Variants in HERC5 observed in about 807,000 individuals in gnomAD.
The protein encoded by HERC5 is HECT and RLD domain containing E3 ubiquitin protein ligase 5.
In HERC5, 99 loss-of-function variants were observed where a neutral mutation model predicts 119.6. That is an observed-to-expected ratio of 0.83 (90% CI 0.70 to 0.98). The LOEUF is 0.98. Ranked by LOEUF, HERC5 falls within the 50% of genes least tolerant of loss-of-function variation. The probability of loss-of-function intolerance (pLI) is 0.00; values close to 1 mark genes in which losing one functional copy is unlikely to be tolerated. For synonymous variants in HERC5, 478 were observed against 445.9 expected, an observed-to-expected ratio of 1.07 and a Z score of -0.91; for missense variants, 1,267 against 1,241.3, an observed-to-expected ratio of 1.02 and a Z score of -0.31.
chr4:88,492,032 C>G (rs1741654833), intron 16 of HERC5, among the ~76,000 whole-genome samples: 1 of 152,034 alleles, frequency 6.6e-6, no homozygotes, highest in African/African-American at 2.4e-5. Context: ...GAGACAGAGT[C>G]TCACTCTGTT....
chr4:88,462,165 T>C lies in HERC5; in HGVS notation c.497T>C (p.Leu166Pro). ...GAGCTTTTTGCCTGGGGACAGAACC[T>C]GCATGGGCAGCTTGGAGTTGGAAGG... The part of the protein sequence containing the change: ...GGELFAWGQN[L>P]HGQLGVGRKF... Residue 166 changes from leucine to proline, a missense_variant, in exon 4 of 23, where the codon CTG becomes CCG. Around this residue, in one of 3 missense-constraint regions of HERC5, gnomAD observed 777 missense variants for 758.0 expected, o/e 1.03. Coordinates refer to ENST00000264350, the MANE Select transcript of HERC5 (RefSeq NM_016323.4). 15 of 1,614,124 alleles carry C rather than the reference T, an allele frequency of 9.3e-6. No homozygotes were observed. Among genetic ancestry groups the C allele is most frequent in the Non-Finnish European group, 1.3e-5 (15 of 1,179,998 alleles).
At chr4:88,497,469 A>G (rs918798412) in intron 18 of HERC5, among the ~76,000 whole-genome samples, 5 of 152,224 alleles carry the variant, frequency 3.3e-5, no homozygotes, top group African/African-American at 1.2e-4. Flanking sequence ...ATAAAGTGGC[A>G]GAGAATGTGG....
At chr4:88,466,464 C>A in intron 6 of HERC5, among the ~76,000 whole-genome samples, 1 of 152,168 alleles carries the variant, frequency 6.6e-6, no homozygotes, top group Non-Finnish European at 1.5e-5. Flanking sequence ...CACTGCCCTC[C>A]TGTAGGTCTG....
chr4:88,463,716 C>T (rs1055700066), intron 5 of HERC5, 93 bp downstream of exon 5: 1 of 1,377,662 alleles, frequency 7.3e-7, no homozygotes, highest in African/African-American at 1.4e-5. Flanking sequence ...GTCATCACTT[C>T]CTGTATGTAG....
At chr4:88,467,629 A>C (rs1398852211) in intron 7 of HERC5, among the ~76,000 whole-genome samples, 1 of 152,220 alleles carries the variant, frequency 6.6e-6, no homozygotes, top group Non-Finnish European at 1.5e-5. Flanking sequence ...CTCAGCACTT[A>C]CTTGTGTTAT....
At chr4:88,457,564 A>G in intron 1 of HERC5, 30 bp downstream of exon 1, 1 of 1,244,452 alleles carries the variant, frequency 8.0e-7, no homozygotes, top group Non-Finnish European at 1.0e-6. Context: ...GAGGGCTGTG[A>G]GGGCTGTGAG....
At position 88,487,136 on chromosome 4, in the gene HERC5, C is replaced by T. The variant is rs772009697; in HGVS notation, c.1919C>T (p.Ser640Leu). The T allele has an allele frequency of 1.1e-5, 17 of 1,608,338 alleles. No homozygotes were observed. The highest frequency in any genetic ancestry group is 2.2e-5 in the East Asian group (1 of 44,826). The change falls in exon 15 of 23, where the codon TCG becomes TTG. Residue 640 changes from serine (S) to leucine (L), a missense_variant. By Grantham distance (145) the Ser-to-Leu change is moderately radical. Around this residue, in one of 3 missense-constraint regions of HERC5, gnomAD observed 17 missense variants for 37.7 expected, o/e 0.45. Coordinates refer to ENST00000264350, the MANE Select transcript of HERC5 (RefSeq NM_016323.4). ...TTTCCATTTATCTTTAATAATCTGT[C>T]GAAAATTAAACTACTACATACAGAC... ...SHFPFIFNNL[S>L]KIKLLHTDTL...
rs1412196075 is a variant in HERC5 at position 88,457,417 on chromosome 4, G to T, written c.148G>T (p.Val50Leu). The T allele has an allele frequency of 2.2e-6, 3 of 1,377,678 alleles. No homozygotes were observed. Among genetic ancestry groups the T allele is most frequent in the Non-Finnish European group, 2.8e-6 (3 of 1,068,986 alleles). The allele number at this position is 1,377,678 out of a possible 1,614,324, so 85.3% of individuals were successfully genotyped here. A position where few individuals can be genotyped will look rare whatever the true frequency, so the allele number is the denominator to read the frequency against. ...CCTCCACCGCGCGCTGCTCCGGAGG[G>T]TGGAGGTGACGCGCCAACTCTGCTG... ...AGLHRALLRR[V>L]EVTRQLCCSP... is the part of the protein sequence containing the mutation. The change falls in exon 1 of 23, where the codon GTG (valine) becomes TTG (leucine). Residue 50 changes from valine to leucine, a missense_variant. Physicochemically the swap from Val to Leu is conservative, Grantham distance 32. Transcript: ENST00000264350.
At chr4:88,475,184 GA>G (rs1741015598) in intron 11 of HERC5, among the ~76,000 whole-genome samples, 1 of 112,178 alleles carries the variant, frequency 8.9e-6, no homozygotes, top group Non-Finnish European at 1.8e-5. Flanking sequence ...TTTTACTCTT[GA>G]AAAAAGAAAC....
intron 3 of HERC5, among the ~76,000 whole-genome samples, chr4:88,461,722 C>G (rs1740450209): frequency 6.6e-6 from 1 of 152,092 alleles, no homozygotes; most frequent in Admixed American, 6.5e-5. Flanking sequence ...CTTGTAATTT[C>G]AAATGAATTT....
intron 16 of HERC5, 25 bp downstream of exon 16, chr4:88,489,361 T>A: frequency 6.4e-7 from 1 of 1,561,208 alleles, no homozygotes; most frequent in Non-Finnish European, 8.7e-7. Flanking sequence ...TCACTTAATG[T>A]TTTTGCTGCT....
chr4:88,460,080 AT>A lies in HERC5; in HGVS notation c.390-11del. The A allele has an allele frequency of 7.3e-7, 1 of 1,378,808 alleles. No homozygotes were observed. Among genetic ancestry groups the A allele is most frequent in the Non-Finnish European group, 1.0e-6 (1 of 969,638 alleles). The allele number at this position is 1,378,808 out of a possible 1,614,324, so 85.4% of individuals were successfully genotyped here. On this transcript the variant is annotated splice_polypyrimidine_tract_variant and intron_variant, in intron 2 of 22. Coordinates refer to ENST00000264350, the MANE Select transcript of HERC5 (RefSeq NM_016323.4). The stretch of plus-strand genomic sequence containing the variant: ...CATTATGGTGATTAACACAAAGTGT[AT>A]TTTCCTTCATCAGGTTTGAAAGCAT...
intron 12 of HERC5, among the ~76,000 whole-genome samples, chr4:88,478,300 T>C (rs539572437): frequency 6.6e-6 from 1 of 152,318 alleles, no homozygotes; most frequent in African/African-American, 2.4e-5. Flanking sequence ...TAAAATATTT[T>C]GTTATGTGTA....
At chr4:88,471,731 A>T (rs751510218) in intron 10 of HERC5, among the ~76,000 whole-genome samples, 5 of 152,218 alleles carry the variant, frequency 3.3e-5, no homozygotes, top group Non-Finnish European at 7.3e-5. Context: ...ATATTGAAGT[A>T]CTAAGAAATT....
At position 88,506,037 on chromosome 4, in the gene HERC5, G is replaced by T; in HGVS notation, c.*159G>T. On this transcript the variant is annotated 3_prime_UTR_variant, in exon 23 of 23. Coordinates refer to ENST00000264350, the MANE Select transcript of HERC5 (RefSeq NM_016323.4). ...GTGATAAGCAGGAAAGAGGGATGAA[G>T]AAGAGGGTTTACTGGCCGGTTAGAA... The T allele has an allele frequency of 1.6e-6, 1 of 634,794 alleles. No homozygotes were observed. Among genetic ancestry groups the T allele is most frequent in the South Asian group, 2.1e-5 (1 of 47,998 alleles). The allele number at this position is 634,794 out of a possible 1,614,324, so 39.3% of individuals were successfully genotyped here.
intron 16 of HERC5, among the ~76,000 whole-genome samples, chr4:88,489,985 G>A (rs556844703): frequency 6.6e-6 from 1 of 152,114 alleles, no homozygotes; most frequent in East Asian, 1.9e-4. Flanking sequence ...TTCCGGCCTG[G>A]GTGACGGAGC....
In HERC5 at chr4:88,494,133, T is replaced by C. The variant is rs769095920; in HGVS notation, c.2278-32T>C. The C allele has an allele frequency of 5.5e-6, 8 of 1,458,246 alleles. No homozygotes were observed. The African/African-American group carries it at 1.1e-4, about 21-fold the overall frequency. 90.3% of individuals were successfully genotyped at this position (1,458,246 alleles called of 1,614,324 possible). On this transcript the variant is annotated intron_variant, in intron 17 of 22. Coordinates refer to ENST00000264350, the MANE Select transcript of HERC5 (RefSeq NM_016323.4). ...ATTTCATTGTACTGGTAAAAACTCA[T>C]AATACTTTAAGATTTTTTTTTCGCT... is the stretch of plus-strand genomic sequence containing the variant.
chr4:88,489,175 C>T lies in HERC5; in HGVS notation c.1972C>T (p.His658Tyr), dbSNP rs781098163. The T allele has an allele frequency of 8.1e-6, 13 of 1,607,302 alleles. No individual in the cohort carries two copies. The East Asian group carries it at 2.9e-4, about 36-fold the overall frequency. Residue 658 changes from histidine (H) to tyrosine (Y), a missense_variant, in exon 16 of 23, where the codon CAT (histidine) becomes TAT (tyrosine). Physicochemically the swap from His to Tyr is moderately conservative, Grantham distance 83. Coordinates refer to ENST00000264350, the MANE Select transcript of HERC5 (RefSeq NM_016323.4). ...GTTTCTGTTTTCCTAGAGTAAAAAA[C>T]ATAAAGCTTATCTTAGGTCGGCAGC... The part of the protein sequence containing the change: ...DTLLKIESKK[H>Y]KAYLRSAAIE...
chr4:88,498,118 G>C (rs1177428057), intron 18 of HERC5, among the ~76,000 whole-genome samples: 3 of 152,178 alleles, frequency 2.0e-5, no homozygotes, highest in Admixed American at 1.3e-4. Context: ...CTCCCACCTA[G>C]ATATCAAAGG....
Sources: allele counts gnomAD v4.1 joint callset (sites outside exome capture counted in the v4.1 genomes callset), GRCh38; gene constraint gnomAD v4.1.1; regional missense constraint gnomAD v4.1.1; transcripts MANE v1.5; gene names NCBI Gene and HGNC (gene_info 2026-07-23, HGNC 2026-07-21).